Variants in B3GALT1 observed in about 807,000 individuals in gnomAD.
B3GALT1 encodes UDP-Gal:betaGlcNAc beta 1,3-galactosyltransferase, polypeptide 1.
A neutral mutation model predicts 23.2 loss-of-function variants in B3GALT1; 10 were observed. The observed-to-expected ratio is 0.43, with a 90% confidence interval of 0.27 to 0.73. B3GALT1 has a LOEUF of 0.73. Among genes scored for constraint, B3GALT1 ranks in the 30% least tolerant of loss-of-function variants. The pLI, the probability that B3GALT1 is intolerant of heterozygous loss-of-function variation, is 0.21. For synonymous variants in B3GALT1, 156 were observed against 141.5 expected, an observed-to-expected ratio of 1.10 and a Z score of -0.73; for missense variants, 299 against 405.4, an observed-to-expected ratio of 0.74 and a Z score of 2.25.
At chr2:167,365,644 T>C (rs1354822805) in intron 1 of B3GALT1, among the ~76,000 whole-genome samples, 3 of 150,336 alleles carry the variant, frequency 2.0e-5, no homozygotes, top group Non-Finnish European at 4.4e-5. Context: ...AAAATGCCCT[T>C]TGCCAAATTC....
At chr2:167,410,364 G>A (rs1333808054) in intron 1 of B3GALT1, among the ~76,000 whole-genome samples, 6 of 152,000 alleles carry the variant, frequency 3.9e-5, no homozygotes, top group East Asian at 1.9e-4. Flanking sequence ...AGTGGCAGAC[G>A]CCTGTAGTCA....
chr2:167,448,970 A>G (rs1699046508), intron 1 of B3GALT1, among the ~76,000 whole-genome samples: 1 of 152,126 alleles, frequency 6.6e-6, no homozygotes, highest in African/African-American at 2.4e-5. Context: ...GCCATTTTAT[A>G]CCAGTACCAT....
intron 3 of B3GALT1, among the ~76,000 whole-genome samples, chr2:167,692,326 A>C (rs1686727800): frequency 6.6e-6 from 1 of 152,136 alleles, no homozygotes; most frequent in Non-Finnish European, 1.5e-5. Context: ...GAGTCAATGA[A>C]CCAAGTGAGT....
At chr2:167,735,920 AAGGATGAGG>A (rs1319399935) in intron 3 of B3GALT1, among the ~76,000 whole-genome samples, 2 of 152,192 alleles carry the variant, frequency 1.3e-5, no homozygotes, top group African/African-American at 4.8e-5. Context: ...AAGAGAAGAG[AAGGATGAGG>A]AGGAGGAAGA....
intron 3 of B3GALT1, among the ~76,000 whole-genome samples, chr2:167,744,681 T>C (rs1687626101): frequency 2.0e-5 from 3 of 152,076 alleles, no homozygotes; most frequent in Admixed American, 2.0e-4. Context: ...AACCTCCACC[T>C]CCCGAGTTCA....
intron 2 of B3GALT1, among the ~76,000 whole-genome samples, chr2:167,519,294 C>T (rs1288078871): frequency 6.6e-6 from 1 of 152,010 alleles, no homozygotes; most frequent in Non-Finnish European, 1.5e-5. Context: ...TGAGAAATGG[C>T]CCGCTGCTAG....
At chr2:167,823,502 A>G (rs1172575755) in intron 4 of B3GALT1, among the ~76,000 whole-genome samples, 2 of 152,266 alleles carry the variant, frequency 1.3e-5, no homozygotes, top group African/African-American at 2.4e-5. Context: ...CTCATTTGCA[A>G]GCAGCTGTCT....
chr2:167,842,130 TATC>T lies in B3GALT1; in HGVS notation c.-230+23340_-230+23342del, dbSNP rs577069802. Among the ~76,000 whole-genome samples the T allele has an allele frequency of 7.9e-4, 120 of 152,342 alleles. 1 individual carries two copies. Among genetic ancestry groups the T allele is most frequent in the Middle Eastern group, 6.8e-3 (2 of 294 alleles). ...CACCTATTATGGTAGGGACCTATTT[TATC>T]ATATCTTCCAGACAATAAAAGCCAA... On this transcript the variant is annotated intron_variant, in intron 4 of 4. Transcript: ENST00000392690.
intron 1 of B3GALT1, among the ~76,000 whole-genome samples, chr2:167,336,095 C>G (rs922807712): frequency 6.6e-6 from 1 of 152,018 alleles, no homozygotes; most frequent in African/African-American, 2.4e-5. Flanking sequence ...CTACTGATTA[C>G]TAATATCTTG....
At chr2:167,557,833 G>A (rs943572628) in intron 2 of B3GALT1, among the ~76,000 whole-genome samples, 2 of 152,160 alleles carry the variant, frequency 1.3e-5, no homozygotes, top group African/African-American at 4.8e-5. Context: ...TTGCGTCCTG[G>A]GAAAGGAAGA....
chr2:167,779,737 A>G (rs539784685), intron 3 of B3GALT1, among the ~76,000 whole-genome samples: 46 of 152,302 alleles, frequency 3.0e-4, no homozygotes, highest in African/African-American at 1.0e-3. Flanking sequence ...CATGAAAACA[A>G]CCATCAAAAA....
chr2:167,580,429 C>G (rs1684462254), intron 2 of B3GALT1, among the ~76,000 whole-genome samples: 1 of 151,958 alleles, frequency 6.6e-6, no homozygotes, highest in African/African-American at 2.4e-5. Context: ...AATACCAATC[C>G]TCCTTTAAAC....
At chr2:167,628,181 A>G (rs894947847) in intron 2 of B3GALT1, among the ~76,000 whole-genome samples, 1 of 151,750 alleles carries the variant, frequency 6.6e-6, no homozygotes, top group South Asian at 2.1e-4. Context: ...AACAGTGTAC[A>G]TTGTGTTTTT....
intron 1 of B3GALT1, among the ~76,000 whole-genome samples, chr2:167,356,311 C>T (rs1278836915): frequency 1.3e-5 from 2 of 152,236 alleles, no homozygotes; most frequent in South Asian, 2.1e-4. Flanking sequence ...CATATATATG[C>T]CCTTGGCCAT....
chr2:167,407,068 T>C (rs1698292050), intron 1 of B3GALT1, among the ~76,000 whole-genome samples: 1 of 152,200 alleles, frequency 6.6e-6, no homozygotes, highest in South Asian at 2.1e-4. Flanking sequence ...TGGAACATTC[T>C]TGAGAACAGA....
intron 2 of B3GALT1, among the ~76,000 whole-genome samples, chr2:167,582,996 C>A (rs966519674): frequency 2.6e-5 from 4 of 152,208 alleles, no homozygotes; most frequent in East Asian, 3.9e-4. Flanking sequence ...CATCCCACCC[C>A]ACCCCTAGTG....
At chr2:167,429,289 A>T (rs1049338964) in intron 1 of B3GALT1, among the ~76,000 whole-genome samples, 130 of 151,910 alleles carry the variant, frequency 8.6e-4, no homozygotes, top group African/African-American at 3.1e-3. Flanking sequence ...TCAAAAAAAA[A>T]AAAAAAAAAA....
chr2:167,638,427 T>C (rs1147147), intron 2 of B3GALT1, among the ~76,000 whole-genome samples: 34,556 of 151,970 alleles, frequency 0.23, 4,013 homozygotes, highest in Middle Eastern at 0.26. Context: ...TAATGCCCTT[T>C]GGCTTTCCAT....
intron 2 of B3GALT1, among the ~76,000 whole-genome samples, chr2:167,542,913 A>T (rs1235297834): frequency 6.6e-6 from 1 of 151,940 alleles, no homozygotes; most frequent in Non-Finnish European, 1.5e-5. Context: ...TTAAAAAAGT[A>T]CTCCAGACTA....
Sources: allele counts gnomAD v4.1 joint callset (sites outside exome capture counted in the v4.1 genomes callset), GRCh38; gene constraint gnomAD v4.1.1; transcripts MANE v1.5; gene names NCBI Gene and HGNC (gene_info 2026-07-23, HGNC 2026-07-21).